Variants in TXNRD2 observed in about 807,000 individuals in gnomAD.
TXNRD2 encodes thioredoxin reductase 2, mitochondrial.
Under a neutral mutation model 70.8 loss-of-function variants are expected in TXNRD2, and 67 were observed. The ratio of observed to expected loss-of-function variants is 0.95; its 90% CI spans 0.78 to 1.16. TXNRD2 has a LOEUF of 1.16. Among genes scored for constraint, TXNRD2 ranks in the 50% most tolerant of loss-of-function variants. The pLI is 0.00. For synonymous variants in TXNRD2, 301 were observed against 295.8 expected, an observed-to-expected ratio of 1.02 and a Z score of -0.18; for missense variants, 644 against 719.9, an observed-to-expected ratio of 0.89 and a Z score of 1.21.
chr22:19,877,606 A>G (rs73877385), intron 16 of TXNRD2, among the ~76,000 whole-genome samples: 3,171 of 151,956 alleles, frequency 0.021, 74 homozygotes, highest in South Asian at 0.078. Context: ...CCAGCCAGCC[A>G]CCTCTCTCAG....
chr22:19,904,895 CA>C (rs1939938926), intron 8 of TXNRD2, among the ~76,000 whole-genome samples: 1 of 152,206 alleles, frequency 6.6e-6, no homozygotes, highest in African/African-American at 2.4e-5. Context: ...CCCCGGGGTC[CA>C]TATTAATTTC....
chr22:19,922,900 G>A (rs755518455), intron 2 of TXNRD2, among the ~76,000 whole-genome samples: 6 of 151,650 alleles, frequency 4.0e-5, no homozygotes, highest in Non-Finnish European at 8.8e-5. Flanking sequence ...TGTTGGTCAG[G>A]CTGGTCTTAA....
chr22:19,888,435 T>C (rs902176528), intron 11 of TXNRD2, among the ~76,000 whole-genome samples: 1 of 152,198 alleles, frequency 6.6e-6, no homozygotes, highest in Admixed American at 6.5e-5. Context: ...CCGCATGCAG[T>C]ATCATGCGCC....
chr22:19,892,921 T>C (rs188155615), intron 11 of TXNRD2, among the ~76,000 whole-genome samples: 1 of 152,348 alleles, frequency 6.6e-6, no homozygotes, highest in East Asian at 1.9e-4. Context: ...ACTTAAAATC[T>C]ACTTTTACAA....
rs1191316956 is a variant in TXNRD2, at chr22:19,880,696, T to C, written c.1108A>G (p.Ile370Val). 1 of 1,612,972 alleles carries C rather than the reference T, an allele frequency of 6.2e-7. No individual in the cohort carries two copies. Residue 370 changes from isoleucine (I) to valine (V), a missense_variant, in exon 13 of 18, where the codon ATA becomes GTA. This residue lies in a region of TXNRD2 where 566 missense variants were observed against 645.0 expected (regional missense o/e 0.88). Coordinates refer to ENST00000400521, the MANE Select transcript of TXNRD2 (RefSeq NM_006440.5). ...AGGAGCCTCCCGGCCATGATCGCTA[T>C]GGGTGTCAGCTCAGGCCGCCCCTTG... ...VVEGRPELTP[I>V]AIMAGRLLVQ...
intron 11 of TXNRD2, among the ~76,000 whole-genome samples, chr22:19,893,291 C>T (rs2145963297): frequency 6.6e-6 from 1 of 152,360 alleles, no homozygotes; most frequent in Middle Eastern, 3.4e-3. Flanking sequence ...AGGCTCAGCA[C>T]AGAAAGGCCT....
At chr22:19,928,356 G>A (rs1010045670) in intron 2 of TXNRD2, among the ~76,000 whole-genome samples, 2 of 152,020 alleles carry the variant, frequency 1.3e-5, no homozygotes, top group African/African-American at 2.4e-5. Context: ...TACACGAAAC[G>A]GCACAGCCAT....
rs774604998 is a variant in TXNRD2 at position 19,883,418 on chromosome 22, C to G, written c.993G>C (p.Gly331=). Residue 331 remains glycine, a synonymous_variant, in exon 12 of 18, where the codon GGG becomes GGC. Coordinates refer to ENST00000400521, the MANE Select transcript of TXNRD2 (RefSeq NM_006440.5). ...DTRSLNLEKA[G]VDTSPDTQKI... ...TCTGAGTGTCGGGGCTAGTATCTAC[C>G]CCAGCCTTCTCCAAATTCAGACTTC... 8 of 1,613,928 alleles carry G rather than the reference C, an allele frequency of 5.0e-6. No individual in the cohort carries two copies. The highest frequency in any genetic ancestry group is 6.8e-6 in the Non-Finnish European group (8 of 1,180,036).
At chr22:19,913,032 T>G (rs1339897796) in intron 7 of TXNRD2, among the ~76,000 whole-genome samples, 1 of 152,120 alleles carries the variant, frequency 6.6e-6, no homozygotes, top group East Asian at 1.9e-4. Flanking sequence ...GGCACACGGT[T>G]CCCTGGGAGA....
intron 12 of TXNRD2, 120 bp downstream of exon 12, chr22:19,883,205 C>A: frequency 7.5e-7 from 1 of 1,341,898 alleles, no homozygotes; most frequent in Non-Finnish European, 1.0e-6. Context: ...TGGCCCAGAG[C>A]CTCTGTCATC....
At chr22:19,905,173 C>A (rs1004184425) in intron 8 of TXNRD2, among the ~76,000 whole-genome samples, 6 of 152,160 alleles carry the variant, frequency 3.9e-5, no homozygotes, top group African/African-American at 1.2e-4. Context: ...ACAGAAGCAT[C>A]GTACAGGGAT....
intron 8 of TXNRD2, among the ~76,000 whole-genome samples, chr22:19,900,246 C>A (rs58882338): frequency 0.031 from 4,646 of 152,216 alleles, 97 homozygotes; most frequent in South Asian, 0.088. Context: ...GGACCCCCAG[C>A]CAAGCAGGAT....
intron 1 of TXNRD2, among the ~76,000 whole-genome samples, chr22:19,934,804 T>C (rs558349168): frequency 6.6e-6 from 1 of 152,132 alleles, no homozygotes; most frequent in African/African-American, 2.4e-5. Flanking sequence ...CCTTGTGATA[T>C]GGCTGCCTCG....
At chr22:19,940,244 C>CAAAAAAA (rs141013808) in intron 1 of TXNRD2, among the ~76,000 whole-genome samples, 141 of 68,440 alleles carry the variant, frequency 2.1e-3, no homozygotes, top group East Asian at 0.019. Context: ...GACACTGTCT[C>CAAAAAAA]AAAAAAAAAA....
chr22:19,906,135 TAAGAG>T (rs372620574), intron 8 of TXNRD2, among the ~76,000 whole-genome samples: 9 of 152,004 alleles, frequency 5.9e-5, no homozygotes, highest in Middle Eastern at 3.4e-3. Context: ...TAAGAAGAGA[TAAGAG>T]AAGAGAAAAG....
intron 1 of TXNRD2, among the ~76,000 whole-genome samples, chr22:19,936,900 T>A (rs1278802741): frequency 6.6e-6 from 1 of 152,200 alleles, no homozygotes; most frequent in East Asian, 1.9e-4. Flanking sequence ...ATTAGAGGCG[T>A]GGGCTTATTC....
rs1306257481 is a variant in TXNRD2, at chr22:19,941,714, C to T, written c.90G>A (p.Ala30=). Residue 30 remains alanine (A), a synonymous_variant, in exon 1 of 18, where the codon GCG becomes GCA. Transcript: ENST00000400521. The stretch of plus-strand genomic sequence containing the variant: ...ACCCCATCCTACCTGCTGCGCCCCG[C>T]GCCGCGCCCCGCACCCCGCCCGCCA... ...QAVAGGVRGA[A]RGAAAGQRDY... The T allele has an allele frequency of 1.1e-5, 17 of 1,484,264 alleles. No individual in the cohort carries two copies. Among genetic ancestry groups the T allele is most frequent in the Non-Finnish European group, 1.5e-5 (17 of 1,124,546 alleles). 91.9% of individuals were successfully genotyped at this position (1,484,264 alleles called of 1,614,324 possible).
chr22:19,901,137 G>C (rs555194113), intron 8 of TXNRD2, among the ~76,000 whole-genome samples: 1 of 152,334 alleles, frequency 6.6e-6, no homozygotes, highest in African/African-American at 2.4e-5. Context: ...AATGTTTGCT[G>C]TCTCTGCCAC....
chr22:19,925,023 G>C (rs1394088214), intron 2 of TXNRD2, among the ~76,000 whole-genome samples: 1 of 150,854 alleles, frequency 6.6e-6, no homozygotes. Flanking sequence ...GGTGGCTCAC[G>C]CCTGTAATCC....
Sources: gnomAD v4.1 joint callset for allele counts (sites outside exome capture counted in the v4.1 genomes callset) on GRCh38, gnomAD v4.1.1 for gene constraint, gnomAD v4.1.1 regional missense constraint, MANE v1.5 for transcripts, NCBI Gene and HGNC (gene_info 2026-07-23, HGNC 2026-07-21) for gene names.